Variants in LRRCC1 observed in about 807,000 individuals in gnomAD.
The protein encoded by LRRCC1 is leucine-rich repeat and coiled-coil domain-containing protein 1.
In LRRCC1, 115 loss-of-function variants were observed where a neutral mutation model predicts 126.0. That is an observed-to-expected ratio of 0.91 (90% confidence interval 0.78 to 1.07). The LOEUF (loss-of-function observed/expected upper bound fraction) is 1.07, where lower values mean the gene tolerates loss of function less well. LRRCC1 is among the 50% of genes least tolerant of loss of function. The pLI is 0.00. For synonymous variants in LRRCC1, 400 were observed against 393.4 expected, an observed-to-expected ratio of 1.02 and a Z score of -0.20; for missense variants, 1,172 against 1,175.7, an observed-to-expected ratio of 1.00 and a Z score of 0.05.
Position 85,145,579 on chromosome 8 carries a change from ATAG to A in LRRCC1, c.*74_*76del. ...ATTGTAAAAATGATTAAATATTGTA[ATAG>A]TAGTAACTGCTATGACTTTGAAATG... On this transcript the variant is annotated 3_prime_UTR_variant, in exon 19 of 19. Coordinates refer to ENST00000360375, the MANE Select transcript of LRRCC1 (RefSeq NM_033402.5). 4 of 1,333,562 alleles carry A rather than the reference ATAG, an allele frequency of 3.0e-6. No individual in the cohort carries two copies. Among genetic ancestry groups the A allele is most frequent in the Non-Finnish European group, 4.1e-6 (4 of 983,688 alleles). The allele number at this position is 1,333,562 out of a possible 1,614,324, so 82.6% of individuals were successfully genotyped here.
intron 8 of LRRCC1, among the ~76,000 whole-genome samples, chr8:85,126,285 A>C (rs1280001296): frequency 1.3e-5 from 2 of 152,098 alleles, no homozygotes; most frequent in African/African-American, 4.8e-5. Flanking sequence ...GGCCCGGCGC[A>C]GTGGCTCACA....
chr8:85,130,065 GA>G lies in LRRCC1; in HGVS notation c.1766+12del. ...TGAAAGAACAGGAACACAGGTAAATGAAAAATGTATCAGGAATGTATTGGCA... is the reference window on the plus strand; with the variant it reads ...TGAAAGAACAGGAACACAGGTAAATGAAAATGTATCAGGAATGTATTGGCA... On this transcript the variant is annotated splice_region_variant and intron_variant, in intron 11 of 18. Coordinates refer to ENST00000360375, the MANE Select transcript of LRRCC1 (RefSeq NM_033402.5). 2 of 1,541,400 alleles carry G rather than the reference GA, an allele frequency of 1.3e-6. No homozygotes were observed. The highest frequency in any genetic ancestry group is 1.2e-5 in the South Asian group (1 of 81,794).
At chr8:85,135,070 T>A in intron 13 of LRRCC1, 38 bp downstream of exon 13, 3 of 1,393,288 alleles carry the variant, frequency 2.2e-6, no homozygotes, top group Non-Finnish European at 2.8e-6. Context: ...AAAATTTTTT[T>A]ACATTATTTT....
chr8:85,125,439 C>T (rs574991417), intron 8 of LRRCC1, among the ~76,000 whole-genome samples: 132 of 151,470 alleles, frequency 8.7e-4, no homozygotes, highest in Non-Finnish European at 1.6e-3. Flanking sequence ...TTTGGGAGGC[C>T]GAGGCGGGCG....
chr8:85,136,306 C>G (rs1810864721), intron 14 of LRRCC1, among the ~76,000 whole-genome samples: 1 of 151,086 alleles, frequency 6.6e-6, no homozygotes, highest in Non-Finnish European at 1.5e-5. Context: ...CAGAGTTTTG[C>G]TCTCGTTGCC....
chr8:85,119,905 C>A (rs1173267663), intron 6 of LRRCC1, among the ~76,000 whole-genome samples: 1 of 152,158 alleles, frequency 6.6e-6, no homozygotes, highest in Non-Finnish European at 1.5e-5. Flanking sequence ...CTACATTCCA[C>A]AAATTTTGGT....
intron 6 of LRRCC1, among the ~76,000 whole-genome samples, chr8:85,117,867 C>G (rs1486599948): frequency 6.6e-6 from 1 of 152,066 alleles, no homozygotes; most frequent in Non-Finnish European, 1.5e-5. Flanking sequence ...TTCCTAAATA[C>G]TAAGCATGCA....
In LRRCC1 at chr8:85,137,472, C is replaced by T. The variant is rs760603323; in HGVS notation, c.2338C>T (p.Leu780=). ...TGATTTTTGTTTCTTAGGATCTTCT[C>T]TAGCCCAAAATCGTGGAAAATTGGA... is the stretch of plus-strand genomic sequence containing the variant. ...GHELAQQGSS[L]AQNRGKLEAQ... Residue 780 remains leucine (L), a synonymous_variant, in exon 15 of 19, where the codon CTA becomes TTA. Transcript: ENST00000360375. 2.2e-5 allele frequency: 34 copies of T among 1,558,012 alleles called. No individual in the cohort carries two copies. Among genetic ancestry groups the T allele is most frequent in the Non-Finnish European group, 2.8e-5 (33 of 1,160,740 alleles).
At chr8:85,129,534 AT>A (rs1246895988) in intron 10 of LRRCC1, among the ~76,000 whole-genome samples, 155 bp downstream of exon 10, 11 of 152,352 alleles carry the variant, frequency 7.2e-5, no homozygotes, top group African/African-American at 2.6e-4. Flanking sequence ...AGCCTGTTGA[AT>A]TATGTCTAAA....
Position 85,134,991 on chromosome 8 carries a change from G to T in LRRCC1, c.2113G>T (p.Glu705Ter), listed in dbSNP as rs1247651499. ...AAAGGAACAAAAAACAAAACTGGCA[G>T]AAGTTTCTAAATTGAAACAAGAAAC... ...MVKEQKTKLA[E>*]VSKLKQETAA... is the part of the protein sequence containing the mutation. The change falls in exon 13 of 19, where the codon GAA becomes TAA. Residue 705 changes from glutamate to a stop codon, truncating the protein, a stop_gained. Transcript: ENST00000360375. LOFTEE classifies it high-confidence loss of function. 9 of 1,547,260 alleles carry T rather than the reference G, an allele frequency of 5.8e-6. No individual in the cohort carries two copies. The highest frequency in any genetic ancestry group is 6.9e-6 in the Non-Finnish European group (8 of 1,158,142).
intron 6 of LRRCC1, among the ~76,000 whole-genome samples, chr8:85,118,080 A>G (rs1289797120): frequency 1.3e-5 from 2 of 152,070 alleles, no homozygotes; most frequent in Admixed American, 6.5e-5. Context: ...TTTGTCTACC[A>G]TATATTATTT....
At chr8:85,122,487 CTCTT>C (rs1286765199) in intron 6 of LRRCC1, among the ~76,000 whole-genome samples, 2 of 152,162 alleles carry the variant, frequency 1.3e-5, no homozygotes, top group Non-Finnish European at 2.9e-5. Flanking sequence ...GCTTCATGTA[CTCTT>C]TCTTTATTGC....
chr8:85,143,218 G>T (rs1178368747), intron 18 of LRRCC1, among the ~76,000 whole-genome samples: 1 of 152,032 alleles, frequency 6.6e-6, no homozygotes, highest in African/African-American at 2.4e-5. Flanking sequence ...CTACTTGGGA[G>T]GCTAAGGCAG....
Position 85,137,504 on chromosome 8 carries a change from A to C in LRRCC1, c.2370A>C (p.Gln790His). 2 of 1,560,210 alleles carry C rather than the reference A, an allele frequency of 1.3e-6. No homozygotes were observed. The highest frequency in any genetic ancestry group is 8.6e-7 in the Non-Finnish European group (1 of 1,160,630). The change falls in exon 15 of 19, where the codon CAA becomes CAC. Residue 790 changes from glutamine to histidine, a missense_variant. Gln to His is a conservative substitution (Grantham distance 24). Coordinates refer to ENST00000360375, the MANE Select transcript of LRRCC1 (RefSeq NM_033402.5). Reference sequence around the variant, plus strand: ...AAAATCGTGGAAAATTGGAGGCTCAAATTGAGAGTTTATCTAGAGAGAATG... The same window carrying C: ...AAAATCGTGGAAAATTGGAGGCTCACATTGAGAGTTTATCTAGAGAGAATG... ...LAQNRGKLEA[Q>H]IESLSRENEC... is the part of the protein sequence containing the mutation.
chr8:85,131,903 T>A lies in LRRCC1; in HGVS notation c.1910T>A (p.Met637Lys). 1.2e-6 allele frequency: 2 copies of A among 1,613,848 alleles called. No individual in the cohort carries two copies. The highest frequency in any genetic ancestry group is 1.7e-6 in the Non-Finnish European group (2 of 1,179,896). The change falls in exon 12 of 19, where the codon ATG becomes AAG. Residue 637 changes from methionine to lysine, a missense_variant. Physicochemically the swap from Met to Lys is moderately conservative, Grantham distance 95. Coordinates refer to ENST00000360375, the MANE Select transcript of LRRCC1 (RefSeq NM_033402.5). Reference sequence around the variant, plus strand: ...ATTGACGTGTTAAGCCAGCAGTATATGGATTTAGAAAATGAATTCCGTATT... The same window carrying A: ...ATTGACGTGTTAAGCCAGCAGTATAAGGATTTAGAAAATGAATTCCGTATT... ...EKIDVLSQQY[M>K]DLENEFRIAL... is the part of the protein sequence containing the mutation.
chr8:85,128,783 T>C (rs1810210490), intron 9 of LRRCC1, among the ~76,000 whole-genome samples: 1 of 152,188 alleles, frequency 6.6e-6, no homozygotes, highest in African/African-American at 2.4e-5. Flanking sequence ...TCACCAAAAC[T>C]ATAGAAATCT....
rs1810045603 is a variant in LRRCC1, at chr8:85,126,823, A to G, written c.1407A>G (p.Leu469=). The G allele has an allele frequency of 1.2e-6, 2 of 1,609,924 alleles. No individual in the cohort carries two copies. Among genetic ancestry groups the G allele is most frequent in the Admixed American group, 1.7e-5 (1 of 59,414 alleles). The change falls in exon 9 of 19, where the codon CTA becomes CTG. Residue 469 remains leucine, a synonymous_variant. Coordinates refer to ENST00000360375, the MANE Select transcript of LRRCC1 (RefSeq NM_033402.5). ...AAGAGGATATTCATAGTCTGGCTCT[A>G]CTTACCACAGATAGGTAAAAAGAAA... is the stretch of plus-strand genomic sequence containing the variant. ...NEKEDIHSLA[L]LTTDRLKEII...
chr8:85,139,407 G>A (rs1811102744), intron 17 of LRRCC1, among the ~76,000 whole-genome samples: 1 of 152,102 alleles, frequency 6.6e-6, no homozygotes, highest in African/African-American at 2.4e-5. Flanking sequence ...TGGGATTACA[G>A]GCATGCACCA....
rs1477933753 is a variant in LRRCC1 at position 85,115,600 on chromosome 8, A to G, written c.930+16A>G. ...TCTAAATGAAGTAACTATTTTTCCT[A>G]CTTCTCTATAGACATGTTTATTGAA... On this transcript the variant is annotated intron_variant, in intron 6 of 18. Transcript: ENST00000360375. 9 of 1,500,522 alleles carry G rather than the reference A, an allele frequency of 6.0e-6. No individual in the cohort carries two copies. The highest frequency in any genetic ancestry group is 8.3e-6 in the Non-Finnish European group (9 of 1,086,762). The allele number at this position is 1,500,522 out of a possible 1,614,324, so 93.0% of individuals were successfully genotyped here.
Sources: gnomAD v4.1 joint callset for allele counts (sites outside exome capture counted in the v4.1 genomes callset) on GRCh38, gnomAD v4.1.1 for gene constraint, MANE v1.5 for transcripts, NCBI Gene and HGNC (gene_info 2026-07-23, HGNC 2026-07-21) for gene names.